The following MAGI2 variants were observed in gnomAD, a reference collection of about 807,000 sequenced individuals.
MAGI2 encodes the protein membrane associated guanylate kinase, WW and PDZ domain containing 2.
A neutral mutation model predicts 133.3 loss-of-function variants in MAGI2; 35 were observed. That is an observed-to-expected ratio of 0.26 (90% CI 0.20 to 0.35). The LOEUF (loss-of-function observed/expected upper bound fraction) is 0.35. MAGI2 is among the 10% of genes least tolerant of loss of function. The pLI is 1.00. For synonymous variants in MAGI2, 729 were observed against 710.6 expected, an observed-to-expected ratio of 1.03 and a Z score of -0.41; for missense variants, 1,636 against 1,863.4, an observed-to-expected ratio of 0.88 and a Z score of 2.25.
At chr7:78,380,859 C>T (rs1562917883) in intron 6 of MAGI2, among the ~76,000 whole-genome samples, 1 of 152,132 alleles carries the variant, frequency 6.6e-6, no homozygotes, top group Non-Finnish European at 1.5e-5. Context: ...TAAATATATG[C>T]ACACACTGTG....
At chr7:78,242,226 T>C (rs73150244) in intron 10 of MAGI2, among the ~76,000 whole-genome samples, 1 of 152,316 alleles carries the variant, frequency 6.6e-6, no homozygotes, top group Non-Finnish European at 1.5e-5. Flanking sequence ...GCCTCTTGCA[T>C]GACACTTTGC....
chr7:78,310,062 A>C (rs1170883726), intron 9 of MAGI2, among the ~76,000 whole-genome samples: 2 of 152,168 alleles, frequency 1.3e-5, no homozygotes, highest in African/African-American at 4.8e-5. Flanking sequence ...CCATAAAAGC[A>C]AAAAATTATT....
intron 3 of MAGI2, among the ~76,000 whole-genome samples, chr7:78,623,092 A>G (rs1303992831): frequency 6.6e-6 from 1 of 152,132 alleles, no homozygotes; most frequent in Admixed American, 6.6e-5. Flanking sequence ...GCTGTATTTT[A>G]AAATACTGAT....
chr7:79,074,791 T>C (rs993364386), intron 1 of MAGI2, among the ~76,000 whole-genome samples: 2 of 152,194 alleles, frequency 1.3e-5, no homozygotes, highest in Admixed American at 6.5e-5. Context: ...TGAGGACTAT[T>C]TGCAGTATAA....
chr7:78,889,795 T>C (rs1642903), intron 2 of MAGI2, among the ~76,000 whole-genome samples: 78,186 of 151,402 alleles, frequency 0.52, 21,729 homozygotes, highest in South Asian at 0.68. Flanking sequence ...TGAAGACCAT[T>C]GAGGCTAGGA....
intron 1 of MAGI2, among the ~76,000 whole-genome samples, chr7:79,201,008 AAGGC>A (rs1828562759): frequency 6.6e-6 from 1 of 151,996 alleles, no homozygotes; most frequent in Admixed American, 6.6e-5. Context: ...CACATTTGTT[AAGGC>A]CCTCGGCAGG....
chr7:78,600,366 C>T (rs182674192), intron 3 of MAGI2, among the ~76,000 whole-genome samples: 78 of 152,080 alleles, frequency 5.1e-4, no homozygotes, highest in Admixed American at 1.2e-3. Flanking sequence ...AAGCTGAAAT[C>T]TAGAGCCTGC....
At chr7:78,069,157 C>G (rs1277443499) in intron 21 of MAGI2, among the ~76,000 whole-genome samples, 3 of 152,064 alleles carry the variant, frequency 2.0e-5, no homozygotes, top group Admixed American at 6.5e-5. Flanking sequence ...GAATGGAGAG[C>G]AATTCAGACT....
At chr7:78,441,489 C>T (rs1787626895) in intron 6 of MAGI2, among the ~76,000 whole-genome samples, 1 of 152,278 alleles carries the variant, frequency 6.6e-6, no homozygotes. Flanking sequence ...TGTGGAGTCA[C>T]TTTGGATTTA....
intron 12 of MAGI2, among the ~76,000 whole-genome samples, chr7:78,193,535 T>C (rs558545845): frequency 6.6e-6 from 1 of 152,338 alleles, no homozygotes; most frequent in East Asian, 1.9e-4. Flanking sequence ...GCAGAAAAGG[T>C]ATTAGAAACT....
chr7:78,089,653 A>T (rs766118110), intron 20 of MAGI2, among the ~76,000 whole-genome samples: 51 of 152,282 alleles, frequency 3.3e-4, no homozygotes, highest in Non-Finnish European at 6.3e-4. Context: ...TGCTCTTTTT[A>T]AAATTGCCTA....
chr7:79,419,028 GA>G (rs1471779916), intron 1 of MAGI2, among the ~76,000 whole-genome samples: 1 of 151,810 alleles, frequency 6.6e-6, no homozygotes, highest in East Asian at 1.9e-4. Flanking sequence ...GCTTCCCCCA[GA>G]AACTCACTTT....
chr7:78,894,715 A>G (rs1434287402), intron 2 of MAGI2, among the ~76,000 whole-genome samples: 2 of 152,220 alleles, frequency 1.3e-5, no homozygotes, highest in South Asian at 2.1e-4. Flanking sequence ...AGTGTAAAGC[A>G]TAAACAAATC....
chr7:78,809,650 T>C (rs1353766954), intron 2 of MAGI2, among the ~76,000 whole-genome samples: 1 of 152,100 alleles, frequency 6.6e-6, no homozygotes, highest in Non-Finnish European at 1.5e-5. Flanking sequence ...TTTTTTCCTA[T>C]TACTAAATTT....
chr7:78,484,287 G>C (rs914974826), intron 6 of MAGI2: 1 of 151,910 alleles, frequency 6.6e-6, no homozygotes, highest in Non-Finnish European at 1.5e-5. Flanking sequence ...AAAGCATGGC[G>C]TATGCTGTCT....
At chr7:78,478,654 C>T (rs1171300685) in intron 6 of MAGI2, among the ~76,000 whole-genome samples, 2 of 151,752 alleles carry the variant, frequency 1.3e-5, no homozygotes, top group Non-Finnish European at 1.5e-5. Flanking sequence ...CCCATTTCCT[C>T]CTCTCCAAAT....
At chr7:79,302,601 T>C (rs10264341) in intron 1 of MAGI2, among the ~76,000 whole-genome samples, 141,598 of 152,046 alleles carry the variant, frequency 0.93, 66,295 homozygotes, top group Non-Finnish European at 0.98. Context: ...CAGTTGAGCT[T>C]TCCACAGGAG....
Position 78,019,156 on chromosome 7 carries a change from A to G in MAGI2, c.*159T>C, listed in dbSNP as rs1009173202. Reference sequence around the variant, plus strand: ...TCTGCGCGTTGATGCGATGCCGCCCAAGCACACCGGACACGTGGGACTTCA... The same window carrying G: ...TCTGCGCGTTGATGCGATGCCGCCCGAGCACACCGGACACGTGGGACTTCA... On this transcript the variant is annotated 3_prime_UTR_variant, in exon 22 of 22. Transcript: ENST00000354212. The G allele has an allele frequency of 1.8e-5, 15 of 843,986 alleles. No homozygotes were observed. Among genetic ancestry groups the G allele is most frequent in the Non-Finnish European group, 2.4e-5 (13 of 552,774 alleles). The allele number at this position is 843,986 out of a possible 1,614,324, so 52.3% of individuals were successfully genotyped here.
intron 9 of MAGI2, among the ~76,000 whole-genome samples, chr7:78,260,092 A>C (rs1056692597): frequency 2.0e-5 from 3 of 152,202 alleles, no homozygotes; most frequent in African/African-American, 7.2e-5. Context: ...ATAAAACTAT[A>C]TAACAACTTG....
Sources: gnomAD v4.1 joint callset for allele counts (sites outside exome capture counted in the v4.1 genomes callset) on GRCh38, gnomAD v4.1.1 for gene constraint, MANE v1.5 for transcripts, NCBI Gene and HGNC (gene_info 2026-07-23, HGNC 2026-07-21) for gene names.